The following FGF12 variants were observed in gnomAD, a reference collection of about 807,000 sequenced individuals.
FGF12 encodes the protein fibroblast growth factor 12.
In FGF12, 14 loss-of-function variants were observed where a neutral mutation model predicts 23.6. The ratio of observed to expected loss-of-function variants is 0.59; its 90% CI spans 0.39 to 0.93. The LOEUF is 0.93. Ranked by LOEUF, FGF12 falls within the 40% of genes least tolerant of loss-of-function variation. The pLI is 0.00. For missense variants in FGF12, 175 were observed against 217.8 expected, an observed-to-expected ratio of 0.80 and a Z score of 1.24; for synonymous variants, 62 against 77.3, an observed-to-expected ratio of 0.80 and a Z score of 1.04.
chr3:192,532,941 GT>G (rs1725128949), intron 2 of FGF12, among the ~76,000 whole-genome samples: 1 of 151,994 alleles, frequency 6.6e-6, no homozygotes, highest in South Asian at 2.1e-4. Context: ...ATCTAGAATT[GT>G]TTTCTCTAAC....
intron 4 of FGF12, among the ~76,000 whole-genome samples, chr3:192,188,954 G>GT (rs1560184867): frequency 6.6e-6 from 1 of 152,190 alleles, no homozygotes; most frequent in East Asian, 1.9e-4. Context: ...TGAAGTTCAG[G>GT]TAACACTTCA....
intron 2 of FGF12, among the ~76,000 whole-genome samples, chr3:192,370,135 A>G (rs888578445): frequency 6.6e-6 from 1 of 152,194 alleles, no homozygotes; most frequent in Non-Finnish European, 1.5e-5. Context: ...CGACAGCAGA[A>G]AAGAAGCAGG....
chr3:192,462,326 C>A (rs990744477), intron 2 of FGF12, among the ~76,000 whole-genome samples: 1 of 152,024 alleles, frequency 6.6e-6, no homozygotes, highest in Admixed American at 6.5e-5. Context: ...AGGGCTCTGA[C>A]TCATGAATGG....
chr3:192,205,366 A>C (rs1560191634), intron 4 of FGF12, among the ~76,000 whole-genome samples: 1 of 152,170 alleles, frequency 6.6e-6, no homozygotes, highest in Non-Finnish European at 1.5e-5. Context: ...CCCCATGTTA[A>C]TATAAGAAAA....
intron 2 of FGF12, among the ~76,000 whole-genome samples, chr3:192,498,063 T>C (rs1724015206): frequency 6.6e-6 from 1 of 152,200 alleles, no homozygotes; most frequent in Admixed American, 6.5e-5. Context: ...TCGGTGCACA[T>C]TTTCCCTTTT....
chr3:192,587,021 G>T (rs1037496291), intron 2 of FGF12, among the ~76,000 whole-genome samples: 3 of 151,992 alleles, frequency 2.0e-5, no homozygotes, highest in Admixed American at 1.3e-4. Flanking sequence ...TGGAATCACT[G>T]ACCCCGGGGG....
chr3:192,350,448 T>C (rs1718167662), intron 3 of FGF12, among the ~76,000 whole-genome samples: 1 of 152,214 alleles, frequency 6.6e-6, no homozygotes, highest in South Asian at 2.1e-4. Context: ...GTTCTAAAGA[T>C]GAAAACAAAA....
intron 4 of FGF12, among the ~76,000 whole-genome samples, chr3:192,263,844 C>T (rs1712910353): frequency 2.0e-5 from 3 of 152,068 alleles, no homozygotes; most frequent in South Asian, 4.1e-4. Context: ...TGGAAAGACA[C>T]ATTAGTCTAA....
At chr3:192,591,514 G>T (rs1280358696) in intron 2 of FGF12, among the ~76,000 whole-genome samples, 1 of 151,794 alleles carries the variant, frequency 6.6e-6, no homozygotes. Context: ...GCTGGTTGTG[G>T]CTTATTTATA....
chr3:192,157,208 A>T (rs1404827753), intron 5 of FGF12, among the ~76,000 whole-genome samples: 1 of 152,256 alleles, frequency 6.6e-6, no homozygotes. Flanking sequence ...CAGGTGACCC[A>T]GCACAGTGAA....
At chr3:192,693,965 G>A (rs576472955) in intron 2 of FGF12, among the ~76,000 whole-genome samples, 1 of 152,192 alleles carries the variant, frequency 6.6e-6, no homozygotes, top group Non-Finnish European at 1.5e-5. Flanking sequence ...GAATGGAAAA[G>A]CAGACTAAAG....
intron 2 of FGF12, among the ~76,000 whole-genome samples, chr3:192,678,647 CTAAGT>C (rs1717412535): frequency 6.6e-6 from 1 of 152,158 alleles, no homozygotes; most frequent in South Asian, 2.1e-4. Context: ...AAATTCATAG[CTAAGT>C]TATTTCTGCA....
chr3:192,584,294 G>C (rs1033895978), intron 2 of FGF12, among the ~76,000 whole-genome samples: 1 of 138,820 alleles, frequency 7.2e-6, no homozygotes, highest in Non-Finnish European at 1.6e-5. Context: ...GTTGTATGCC[G>C]ATCTTCTTCG....
intron 2 of FGF12, among the ~76,000 whole-genome samples, chr3:192,681,314 A>G (rs1337604760): frequency 6.6e-6 from 1 of 152,228 alleles, no homozygotes; most frequent in African/African-American, 2.4e-5. Context: ...CTTAGGAATG[A>G]CTAAGTTTCC....
chr3:192,672,737 A>G (rs778320087), intron 2 of FGF12, among the ~76,000 whole-genome samples: 5 of 151,020 alleles, frequency 3.3e-5, no homozygotes, highest in Non-Finnish European at 5.9e-5. Flanking sequence ...CTGCCAAGGA[A>G]TTCATCAAGG....
intron 2 of FGF12, among the ~76,000 whole-genome samples, chr3:192,626,976 A>G (rs1359089687): frequency 6.6e-6 from 1 of 152,184 alleles, no homozygotes; most frequent in Non-Finnish European, 1.5e-5. Flanking sequence ...TAAAATACAG[A>G]AGAGTGTAAA....
chr3:192,570,267 C>A (rs1245624068), intron 2 of FGF12, among the ~76,000 whole-genome samples: 1 of 152,048 alleles, frequency 6.6e-6, no homozygotes, highest in Non-Finnish European at 1.5e-5. Flanking sequence ...TTTGAACATA[C>A]TGAATTTGAG....
chr3:192,252,651 CTT>C (rs1192599896), intron 4 of FGF12, among the ~76,000 whole-genome samples: 9 of 151,876 alleles, frequency 5.9e-5, no homozygotes, highest in African/African-American at 2.2e-4. Context: ...GCCGCCAACT[CTT>C]TGACAAATAA....
At chr3:192,471,629 CTG>C (rs1487110797) in intron 2 of FGF12, among the ~76,000 whole-genome samples, 3 of 152,156 alleles carry the variant, frequency 2.0e-5, no homozygotes, top group African/African-American at 4.8e-5. Context: ...TCTTCACAAA[CTG>C]TGTTATTATT....
Sources: allele counts gnomAD v4.1 joint callset (sites outside exome capture counted in the v4.1 genomes callset), GRCh38; gene constraint gnomAD v4.1.1; transcripts MANE v1.5; gene names NCBI Gene and HGNC (gene_info 2026-07-23, HGNC 2026-07-21).